BTBD9: variants seen among roughly 807,000 people sequenced by gnomAD.
The protein encoded by BTBD9 is BTB domain containing 9.
A neutral mutation model predicts 64.3 loss-of-function variants in BTBD9; 49 were observed. The ratio of observed to expected loss-of-function variants is 0.76; its 90% CI spans 0.61 to 0.97. The LOEUF (loss-of-function observed/expected upper bound fraction) is 0.97, where lower values mean the gene tolerates loss of function less well. BTBD9 is among the 50% of genes least tolerant of loss of function. The pLI, the probability that BTBD9 is intolerant of heterozygous loss-of-function variation, is 0.00. For missense variants in BTBD9, 598 were observed against 762.1 expected (o/e 0.78, Z 2.53); for synonymous variants, 260 against 274.7 (o/e 0.95, Z 0.53).
chr6:38,358,349 A>G (rs1372334705), intron 6 of BTBD9, among the ~76,000 whole-genome samples: 3 of 152,100 alleles, frequency 2.0e-5, no homozygotes, highest in Non-Finnish European at 2.9e-5. Context: ...TGCTTCAGGA[A>G]GACCTGATAG....
chr6:38,443,089 G>A (rs540735169), intron 6 of BTBD9, among the ~76,000 whole-genome samples: 29 of 152,290 alleles, frequency 1.9e-4, no homozygotes, highest in African/African-American at 5.5e-4. Flanking sequence ...TGACTTGGCA[G>A]GCAAATGGAT....
chr6:38,553,034 C>T (rs1464497705), intron 6 of BTBD9, among the ~76,000 whole-genome samples: 6 of 152,222 alleles, frequency 3.9e-5, no homozygotes, highest in Non-Finnish European at 7.3e-5. Flanking sequence ...TCAAATCCTG[C>T]ATACTTTAAA....
At chr6:38,400,610 G>C (rs1318538770) in intron 6 of BTBD9, among the ~76,000 whole-genome samples, 1 of 151,912 alleles carries the variant, frequency 6.6e-6, no homozygotes, top group Admixed American at 6.6e-5. Context: ...AGGTTCTTTT[G>C]CACCCTTATC....
At chr6:38,460,837 G>C (rs1255685350) in intron 6 of BTBD9, among the ~76,000 whole-genome samples, 2 of 152,028 alleles carry the variant, frequency 1.3e-5, no homozygotes, top group Non-Finnish European at 2.9e-5. Context: ...TTCCCAGGCT[G>C]ATCTCCGTCT....
At chr6:38,487,200 A>T (rs1048953487) in intron 6 of BTBD9, among the ~76,000 whole-genome samples, 1 of 152,242 alleles carries the variant, frequency 6.6e-6, no homozygotes, top group Non-Finnish European at 1.5e-5. Context: ...AGAACTAGAC[A>T]AAATTATGTG....
Position 38,261,437 on chromosome 6 carries a change from C to T in BTBD9, c.1455-4921G>A, listed in dbSNP as rs143601774. Among the ~76,000 whole-genome samples, 154 of 152,198 alleles carry T rather than the reference C, an allele frequency of 1.0e-3. No homozygotes were observed. In the Middle Eastern group the frequency reaches 0.014, roughly 14 times the overall value. Reference sequence around the variant, plus strand: ...CACTACCAGCACTGCATAACAAATGCCTGTTTCTGTGCATCATCACCAATA... The same window carrying T: ...CACTACCAGCACTGCATAACAAATGTCTGTTTCTGTGCATCATCACCAATA... On this transcript the variant is annotated intron_variant, in intron 8 of 10. Coordinates refer to ENST00000481247, the MANE Select transcript of BTBD9 (RefSeq NM_001099272.2).
chr6:38,427,020 T>C (rs1768192127), intron 6 of BTBD9, among the ~76,000 whole-genome samples: 1 of 151,824 alleles, frequency 6.6e-6, no homozygotes, highest in South Asian at 2.1e-4. Context: ...TTCTACGTTC[T>C]GTATCCTACA....
Position 38,598,063 on chromosome 6 carries a change from G to A in BTBD9, c.32C>T (p.Thr11Ile), listed in dbSNP as rs750815428. The A allele has an allele frequency of 6.2e-7, 1 of 1,613,866 alleles. No homozygotes were observed. The highest frequency in any genetic ancestry group is 1.7e-5 in the Admixed American group (1 of 60,012). The change falls in exon 2 of 11, where the codon ACT becomes ATT. Residue 11 changes from threonine to isoleucine, a missense_variant. Thr to Ile is a moderately conservative substitution (Grantham distance 89). Transcript: ENST00000481247. ...CACATGATCAATTTCCCCCACTGCA[G>A]TAAAGGGGCGAAGAGGGTGGCTGTT... MSNSHPLRPF[T>I]AVGEIDHVHI...
intron 6 of BTBD9, among the ~76,000 whole-genome samples, chr6:38,519,319 A>G (rs897871239): frequency 6.6e-6 from 1 of 152,232 alleles, no homozygotes; most frequent in African/African-American, 2.4e-5. Context: ...TAAATTTTGT[A>G]TCAAAAGAAA....
intron 4 of BTBD9, among the ~76,000 whole-genome samples, chr6:38,584,231 G>A (rs536797577): frequency 2.0e-5 from 3 of 152,166 alleles, no homozygotes; most frequent in African/African-American, 7.2e-5. Context: ...GGGCAGCCAA[G>A]GCAGGAGAAT....
At chr6:38,466,472 T>C (rs2127361013) in intron 6 of BTBD9, among the ~76,000 whole-genome samples, 1 of 152,110 alleles carries the variant, frequency 6.6e-6, no homozygotes, top group Admixed American at 6.6e-5. Context: ...TGCATTTTTT[T>C]AGTAGAGACG....
intron 6 of BTBD9, among the ~76,000 whole-genome samples, chr6:38,365,077 T>C (rs898245137): frequency 1.3e-5 from 2 of 152,190 alleles, no homozygotes; most frequent in African/African-American, 4.8e-5. Context: ...CAATGTTGAA[T>C]GGTTTGTAAT....
rs1255441138 is a variant in BTBD9, at chr6:38,276,583, G to C, written c.1454+11689C>G. ...ACTTCTTCTCCCAAGATTTAAAATT[G>C]TCGTATTGCTATAATTACCCTCCCA... is the stretch of plus-strand genomic sequence containing the variant. On this transcript the variant is annotated intron_variant, in intron 8 of 10. Coordinates refer to ENST00000481247, the MANE Select transcript of BTBD9 (RefSeq NM_001099272.2). Among the ~76,000 whole-genome samples the C allele has an allele frequency of 2.0e-5, 3 of 152,084 alleles. No homozygotes were observed. The East Asian group carries it at 5.8e-4, about 29-fold the overall frequency.
chr6:38,278,155 A>C (rs781664148), intron 8 of BTBD9, among the ~76,000 whole-genome samples: 16 of 152,220 alleles, frequency 1.1e-4, no homozygotes, highest in Admixed American at 3.3e-4. Flanking sequence ...ATGGTAGCTA[A>C]AACTGTAGTC....
rs768962383 is a variant in BTBD9, at chr6:38,598,010, A to T, written c.85T>A (p.Leu29Met). The T allele has an allele frequency of 6.2e-7, 1 of 1,614,030 alleles. No individual in the cohort carries two copies. Among genetic ancestry groups the T allele is most frequent in the South Asian group, 1.1e-5 (1 of 91,078 alleles). ...TCGCCATATTCTTCCCCAATCAACA[A>T]GGCACCAATATGTTCAGACAAAATG... ...VHILSEHIGA[L>M]LIGEEYGDVT... The change falls in exon 2 of 11, where the codon TTG becomes ATG. Residue 29 changes from leucine (L) to methionine (M), a missense_variant. By Grantham distance (15) the Leu-to-Met change is conservative. Transcript: ENST00000481247.
intron 1 of BTBD9, among the ~76,000 whole-genome samples, chr6:38,625,902 T>C (rs1004857693): frequency 2.0e-5 from 3 of 152,214 alleles, no homozygotes; most frequent in Non-Finnish European, 4.4e-5. Flanking sequence ...TTTCATACTA[T>C]CATTTTCCTT....
intron 8 of BTBD9, among the ~76,000 whole-genome samples, chr6:38,282,680 A>G (rs927832331): frequency 6.6e-6 from 1 of 152,088 alleles, no homozygotes; most frequent in Non-Finnish European, 1.5e-5. Flanking sequence ...CTGGCCTCCT[A>G]GCTGCTCCTG....
intron 1 of BTBD9, among the ~76,000 whole-genome samples, chr6:38,617,635 GA>G (rs1013063207): frequency 6.6e-6 from 1 of 152,158 alleles, no homozygotes; most frequent in African/African-American, 2.4e-5. Flanking sequence ...CCAAAGCCAG[GA>G]TATGGAGAGC....
rs544650510 is a variant in BTBD9 at position 38,174,628 on chromosome 6, G to A, written c.*357C>T. On this transcript the variant is annotated 3_prime_UTR_variant, in exon 11 of 11. Coordinates refer to ENST00000481247, the MANE Select transcript of BTBD9 (RefSeq NM_001099272.2). ...CAAAGGCCCAATGGCTTTCTCCTCC[G>A]CCTGAGTGTTTGCGTGCCATTTTTG... 1.1e-4 allele frequency: 27 copies of A among 242,424 alleles called. No homozygotes were observed. Among genetic ancestry groups the A allele is most frequent in the Admixed American group, 1.1e-3 (20 of 18,912 alleles). 15.0% of individuals were successfully genotyped at this position (242,424 alleles called of 1,614,324 possible).
Sources: allele counts gnomAD v4.1 joint callset (sites outside exome capture counted in the v4.1 genomes callset), GRCh38; gene constraint gnomAD v4.1.1; transcripts MANE v1.5; gene names NCBI Gene and HGNC (gene_info 2026-07-23, HGNC 2026-07-21).